The following TSFM variants were observed in gnomAD, a reference collection of about 807,000 sequenced individuals.
TSFM encodes elongation factor Ts, mitochondrial.
TSFM carries 29 observed loss-of-function variants against 33.4 expected under a neutral mutation model. That is an observed-to-expected ratio of 0.87 (90% CI 0.65 to 1.18). TSFM has a LOEUF of 1.18. Among genes scored for constraint, TSFM ranks in the 50% most tolerant of loss-of-function variants. TSFM has a pLI of 0.00. For synonymous variants in TSFM, 178 were observed against 163.5 expected (o/e 1.09, Z -0.68); for missense variants, 394 against 395.6 (o/e 1.00, Z 0.04).
downstream of TSFM, chr12:57,800,038 A>G: frequency 2.3e-6 from 3 of 1,328,128 alleles, no homozygotes; most frequent in Non-Finnish European, 3.1e-6. Context: ...CTCTGTAATC[A>G]TCTTTGATAA....
chr12:57,801,350 T>C (rs1955844205), downstream of TSFM: 1 of 654,338 alleles, frequency 1.5e-6, no homozygotes, highest in African/African-American at 1.8e-5. Context: ...AAAATGAAAA[T>C]CCCCCCTTTT....
chr12:57,783,008 T>G, intron 1 of TSFM, 102 bp from the exon 2 acceptor site: 1 of 1,494,766 alleles, frequency 6.7e-7, no homozygotes, highest in South Asian at 1.3e-5. Context: ...GCACCCCCCT[T>G]TGCACACTGT....
rs985828528 is a variant in TSFM at position 57,797,239 on chromosome 12, A to G, written c.*656A>G. ...AGATTTTGACATTCTTGTGCCAGAAACAGAAATTAGAGTAGTCCAGTTACC... is the reference window on the plus strand; with the variant it reads ...AGATTTTGACATTCTTGTGCCAGAAGCAGAAATTAGAGTAGTCCAGTTACC... On this transcript the variant is annotated 3_prime_UTR_variant, in exon 6 of 6. Transcript: ENST00000652027. 26 of 985,356 alleles carry G rather than the reference A, an allele frequency of 2.6e-5. No individual in the cohort carries two copies. Among genetic ancestry groups the G allele is most frequent in the Non-Finnish European group, 3.0e-5 (25 of 829,954 alleles). The allele number at this position is 985,356 out of a possible 1,614,324, so 61.0% of individuals were successfully genotyped here.
downstream of TSFM, chr12:57,797,707 C>T: frequency 1.4e-6 from 1 of 728,834 alleles, no homozygotes; most frequent in Non-Finnish European, 1.9e-6. Context: ...AGGTATATAA[C>T]AAGCAAGGAA....
intron 1 of TSFM, 100 bp downstream of exon 1, chr12:57,782,958 C>T (rs1955532456): frequency 2.7e-6 from 4 of 1,478,226 alleles, no homozygotes; most frequent in Non-Finnish European, 3.6e-6. Context: ...TCCATCTCAC[C>T]TTCCCCGACA....
At chr12:57,792,409 G>T (rs946769689) in intron 4 of TSFM, among the ~76,000 whole-genome samples, 2 of 152,110 alleles carry the variant, frequency 1.3e-5, no homozygotes, top group African/African-American at 4.8e-5. Flanking sequence ...GAAAATAATT[G>T]TTCTTGATTT....
intron 2 of TSFM, among the ~76,000 whole-genome samples, chr12:57,785,551 A>C (rs1273622737): frequency 6.6e-6 from 1 of 152,142 alleles, no homozygotes; most frequent in Non-Finnish European, 1.5e-5. Flanking sequence ...GGTTCACTGC[A>C]ACCTCCGCCT....
intron 2 of TSFM, among the ~76,000 whole-genome samples, chr12:57,784,402 T>A (rs1484363481): frequency 6.6e-6 from 1 of 152,162 alleles, no homozygotes; most frequent in Non-Finnish European, 1.5e-5. Context: ...TTATAAGAAA[T>A]TTTTTTCTGT....
At chr12:57,787,564 C>T (rs1300603117) in intron 4 of TSFM, among the ~76,000 whole-genome samples, 1 of 152,076 alleles carries the variant, frequency 6.6e-6, no homozygotes, top group East Asian at 1.9e-4. Flanking sequence ...ATGGAGTTAG[C>T]CAGATCAAGT....
At chr12:57,795,379 C>T (rs1337209111) in intron 5 of TSFM, among the ~76,000 whole-genome samples, 1 of 151,972 alleles carries the variant, frequency 6.6e-6, no homozygotes, top group Non-Finnish European at 1.5e-5. Flanking sequence ...GGATTACAGG[C>T]GTGAGCCACC....
chr12:57,802,830 C>A, downstream of TSFM: 1 of 565,672 alleles, frequency 1.8e-6, no homozygotes. Flanking sequence ...TCAAATCTGT[C>A]ACCATCCCTC....
intron 4 of TSFM, among the ~76,000 whole-genome samples, chr12:57,788,857 C>A (rs1955624745): frequency 6.6e-6 from 1 of 152,012 alleles, no homozygotes. Flanking sequence ...GGTCTCAAAC[C>A]TCTGGGCTCA....
rs1034371713 is a variant in TSFM at position 57,796,824 on chromosome 12, A to G, written c.*241A>G. The G allele has an allele frequency of 6.9e-6, 8 of 1,160,618 alleles. No individual in the cohort carries two copies. The highest frequency in any genetic ancestry group is 3.2e-5 in the African/African-American group (2 of 63,122). 71.9% of individuals were successfully genotyped at this position (1,160,618 alleles called of 1,614,324 possible). A position where few individuals can be genotyped will look rare whatever the true frequency, so the allele number is the denominator to read the frequency against. Reference sequence around the variant, plus strand: ...GTGTCGTGGAGAACAGGCATCAACAATACTGCTGCTCCCTTCAACATAGAT... The same window carrying G: ...GTGTCGTGGAGAACAGGCATCAACAGTACTGCTGCTCCCTTCAACATAGAT... On this transcript the variant is annotated 3_prime_UTR_variant, in exon 6 of 6. Coordinates refer to ENST00000652027, the MANE Select transcript of TSFM (RefSeq NM_005726.6).
rs1399153894 is a variant in TSFM at position 57,796,621 on chromosome 12, T to C, written c.*38T>C. ...TTTGGCCCAGGAGGAATATTTACTTTTAGCTCTGGACATCATTACAAAAAG... is the reference window on the plus strand; with the variant it reads ...TTTGGCCCAGGAGGAATATTTACTTCTAGCTCTGGACATCATTACAAAAAG... On this transcript the variant is annotated 3_prime_UTR_variant, in exon 6 of 6. Transcript: ENST00000652027. 10 of 1,341,256 alleles carry C rather than the reference T, an allele frequency of 7.5e-6. No homozygotes were observed. Among genetic ancestry groups the C allele is most frequent in the Non-Finnish European group, 8.7e-6 (9 of 1,038,692 alleles). The allele number at this position is 1,341,256 out of a possible 1,614,324, so 83.1% of individuals were successfully genotyped here.
intron 5 of TSFM, 140 bp from the exon 6 acceptor site, chr12:57,796,037 G>A (rs1955733304): frequency 1.4e-6 from 1 of 706,624 alleles, no homozygotes; most frequent in South Asian, 2.7e-5. Context: ...ACTGAAAATG[G>A]TATCTCTTCA....
In TSFM at chr12:57,784,662, T is replaced by C. The variant is rs1267403953; in HGVS notation, c.231+1379T>C. On this transcript the variant is annotated intron_variant, in intron 2 of 5. Transcript: ENST00000652027. The stretch of plus-strand genomic sequence containing the variant: ...GGGAGGCTGAGGCAAGCGGATCACC[T>C]GAGGTTGCGAGTTCGAGACTAGCCT... Among the ~76,000 whole-genome samples the C allele has an allele frequency of 2.0e-5, 3 of 152,162 alleles. No homozygotes were observed. The South Asian group carries it at 6.2e-4, about 32-fold the overall frequency.
At chr12:57,801,245 GTCTT>G (rs758948289), downstream of TSFM, 1 of 1,584,822 alleles carries the variant, frequency 6.3e-7, no homozygotes, top group African/African-American at 1.3e-5. Flanking sequence ...ACAGGATGAG[GTCTT>G]TCTTATAGGG....
At chr12:57,802,236 A>G, downstream of TSFM, 1 of 1,614,188 alleles carries the variant, frequency 6.2e-7, no homozygotes, top group Non-Finnish European at 8.5e-7. Context: ...AATGATCAGG[A>G]TTGGTGTGTC....
In TSFM at chr12:57,796,541, G is replaced by A; in HGVS notation, c.936G>A (p.Arg312=). The A allele has an allele frequency of 6.8e-7, 1 of 1,461,996 alleles. No homozygotes were observed. Among genetic ancestry groups the A allele is most frequent in the Non-Finnish European group, 9.1e-7 (1 of 1,102,576 alleles). The allele number at this position is 1,461,996 out of a possible 1,614,324, so 90.6% of individuals were successfully genotyped here. Reference sequence around the variant, plus strand: ...GGGTGTCGGTAGTAGACTTTGTGCGGTTTGAATGTGGAGAAGGTGAAGAGG... The same window carrying A: ...GGGTGTCGGTAGTAGACTTTGTGCGATTTGAATGTGGAGAAGGTGAAGAGG... ...PQGVSVVDFV[R]FECGEGEEAA... The change falls in exon 6 of 6, where the codon CGG becomes CGA. Residue 312 remains arginine (R), a synonymous_variant. Coordinates refer to ENST00000652027, the MANE Select transcript of TSFM (RefSeq NM_005726.6).
Sources: allele counts gnomAD v4.1 joint callset (sites outside exome capture counted in the v4.1 genomes callset), GRCh38; gene constraint gnomAD v4.1.1; transcripts MANE v1.5; gene names NCBI Gene and HGNC (gene_info 2026-07-23, HGNC 2026-07-21).